HSD17B12: variants seen among roughly 807,000 people sequenced by gnomAD.
HSD17B12 encodes very-long-chain 3-oxoacyl-CoA reductase.
HSD17B12 carries 32 observed loss-of-function variants against 39.3 expected under a neutral mutation model. That is an observed-to-expected ratio of 0.81 (90% CI 0.61 to 1.09). The LOEUF is 1.09. HSD17B12 is among the 50% of genes least tolerant of loss of function. HSD17B12 has a pLI of 0.00. For missense variants in HSD17B12, 342 were observed against 382.9 expected (o/e 0.89, Z 0.89); for synonymous variants, 150 against 146.7 (o/e 1.02, Z -0.16).
intron 4 of HSD17B12, among the ~76,000 whole-genome samples, chr11:43,808,663 C>A (rs1951041629): frequency 6.6e-6 from 1 of 152,162 alleles, no homozygotes; most frequent in East Asian, 1.9e-4. Context: ...TAATGAAGAT[C>A]ACATAGCAAT....
intron 1 of HSD17B12, among the ~76,000 whole-genome samples, chr11:43,695,214 A>G (rs1949899407): frequency 6.6e-6 from 1 of 152,080 alleles, no homozygotes; most frequent in African/African-American, 2.4e-5. Context: ...TTTTAACCAA[A>G]TATCTTCTGA....
intron 1 of HSD17B12, among the ~76,000 whole-genome samples, chr11:43,739,629 G>A (rs919498916): frequency 5.9e-5 from 9 of 152,142 alleles, no homozygotes; most frequent in Non-Finnish European, 1.3e-4. Context: ...CACTCATGAG[G>A]GAGGAGACTT....
intron 7 of HSD17B12, among the ~76,000 whole-genome samples, chr11:43,835,330 T>A (rs1951358948): frequency 6.6e-6 from 1 of 152,134 alleles, no homozygotes; most frequent in Non-Finnish European, 1.5e-5. Flanking sequence ...ACGGTTGATT[T>A]AAAGGGCGAG....
At chr11:43,683,121 T>C (rs1010969327) in intron 1 of HSD17B12, among the ~76,000 whole-genome samples, 20 of 146,218 alleles carry the variant, frequency 1.4e-4, no homozygotes, top group African/African-American at 5.0e-4. Flanking sequence ...TTTTTTTTTC[T>C]CTTTAAAATT....
chr11:43,789,080 T>G (rs1027341479), intron 3 of HSD17B12, among the ~76,000 whole-genome samples: 1 of 152,216 alleles, frequency 6.6e-6, no homozygotes, highest in African/African-American at 2.4e-5. Context: ...TTCTGCACTT[T>G]CTGGTTTTGC....
the HSD17B12 span, among the ~76,000 whole-genome samples, chr11:43,637,906 G>A: frequency 6.6e-6 from 1 of 152,144 alleles, no homozygotes; most frequent in Non-Finnish European, 1.5e-5. Context: ...CATTAGGCAA[G>A]CCAGTGAGTA....
chr11:43,677,755 C>T (rs1307392444), upstream of HSD17B12, among the ~76,000 whole-genome samples: 1 of 152,142 alleles, frequency 6.6e-6, no homozygotes, highest in African/African-American at 2.4e-5. Context: ...ATCCATGTCC[C>T]TACAAAGGAC....
At chr11:43,625,119 A>G in the HSD17B12 span, among the ~76,000 whole-genome samples, 4 of 151,810 alleles carry the variant, frequency 2.6e-5, no homozygotes, top group Non-Finnish European at 4.4e-5. Flanking sequence ...AATATCAGAC[A>G]TGAAATGGCT....
At chr11:43,712,718 G>A (rs759447300) in intron 1 of HSD17B12, among the ~76,000 whole-genome samples, 20 of 151,974 alleles carry the variant, frequency 1.3e-4, no homozygotes, top group African/African-American at 2.2e-4. Flanking sequence ...TCATGGGTGC[G>A]TCCTTAACGT....
chr11:43,660,918 G>C, the HSD17B12 span, among the ~76,000 whole-genome samples: 13 of 151,992 alleles, frequency 8.6e-5, no homozygotes, highest in African/African-American at 3.1e-4. Context: ...TGAGGTCAGG[G>C]GTTCAAGACC....
At chr11:43,737,410 C>T (rs756718293) in intron 1 of HSD17B12, among the ~76,000 whole-genome samples, 3 of 152,104 alleles carry the variant, frequency 2.0e-5, no homozygotes, top group Non-Finnish European at 4.4e-5. Context: ...TGGTCAGTTG[C>T]CAGTATTTTA....
intron 6 of HSD17B12, among the ~76,000 whole-genome samples, chr11:43,817,135 A>G (rs993622246): frequency 1.3e-5 from 2 of 151,434 alleles, no homozygotes; most frequent in South Asian, 2.1e-4. Context: ...GGCCATTTGC[A>G]TATTGTCTTT....
At chr11:43,718,896 A>T in intron 1 of HSD17B12, 1 of 930,476 alleles carries the variant, frequency 1.1e-6, no homozygotes, top group Non-Finnish European at 1.8e-6. Context: ...CTTGACCACT[A>T]TGCTGTCATC....
At chr11:43,705,772 T>C (rs1950008761) in intron 1 of HSD17B12, among the ~76,000 whole-genome samples, 1 of 140,178 alleles carries the variant, frequency 7.1e-6, no homozygotes, top group African/African-American at 2.7e-5. Flanking sequence ...TTTTTTTTTT[T>C]TTTTTTTTTT....
intron 4 of HSD17B12, among the ~76,000 whole-genome samples, chr11:43,805,064 T>A (rs1951005634): frequency 6.6e-6 from 1 of 152,180 alleles, no homozygotes; most frequent in African/African-American, 2.4e-5. Flanking sequence ...TTTCTAGGAT[T>A]GCTTGGAAGG....
At chr11:43,615,259 G>A in the HSD17B12 span, among the ~76,000 whole-genome samples, 1 of 152,152 alleles carries the variant, frequency 6.6e-6, no homozygotes, top group Admixed American at 6.6e-5. Flanking sequence ...TGCCCAGTAT[G>A]TTCAGTGAGC....
chr11:43,750,990 T>TA lies in HSD17B12; in HGVS notation c.207+39dup, dbSNP rs756416336. Reference sequence around the variant, plus strand: ...ATTTTCAAGATCTTTCCTTTTAATATAAAAAATAAGAATAAATATGGGATG... The same window carrying TA: ...ATTTTCAAGATCTTTCCTTTTAATATAAAAAAATAAGAATAAATATGGGATG... On this transcript the variant is annotated intron_variant, in intron 2 of 10. Transcript: ENST00000278353. 3.5e-6 allele frequency: 5 copies of TA among 1,432,732 alleles called. No homozygotes were observed. In the East Asian group the frequency reaches 9.1e-5, roughly 26 times the overall value. The allele number at this position is 1,432,732 out of a possible 1,614,324, so 88.8% of individuals were successfully genotyped here. A position where few individuals can be genotyped will look rare whatever the true frequency, so the allele number is the denominator to read the frequency against.
chr11:43,764,868 T>C (rs968662599), intron 3 of HSD17B12, among the ~76,000 whole-genome samples: 3 of 152,172 alleles, frequency 2.0e-5, no homozygotes, highest in African/African-American at 7.2e-5. Context: ...TGATGGTTTC[T>C]GCCTTTTAAT....
At chr11:43,819,705 T>C (rs1951163220) in intron 6 of HSD17B12, among the ~76,000 whole-genome samples, 2 of 152,304 alleles carry the variant, frequency 1.3e-5, no homozygotes, top group South Asian at 4.1e-4. Flanking sequence ...CAAATGCTAA[T>C]TTATTAAACA....
Sources: allele counts gnomAD v4.1 joint callset (sites outside exome capture counted in the v4.1 genomes callset), GRCh38; gene constraint gnomAD v4.1.1; transcripts MANE v1.5; gene names NCBI Gene and HGNC (gene_info 2026-07-23, HGNC 2026-07-21).